The following HOOK2 variants were observed in gnomAD, a reference collection of about 807,000 sequenced individuals.
HOOK2 encodes the protein hook microtubule tethering protein 2, also known as protein Hook homolog 2.
Under a neutral mutation model 111.9 loss-of-function variants are expected in HOOK2, and 108 were observed. The observed-to-expected ratio is 0.96, with a 90% CI of 0.83 to 1.13. The LOEUF is 1.13. Among genes scored for constraint, HOOK2 ranks in the 50% most tolerant of loss-of-function variants. The pLI, the probability that HOOK2 is intolerant of heterozygous loss-of-function variation, is 0.00. For missense variants in HOOK2, 978 were observed against 951.3 expected (o/e 1.03, Z -0.37); for synonymous variants, 405 against 394.3 (o/e 1.03, Z -0.32).
At position 12,775,478 on chromosome 19, in the gene HOOK2, C is replaced by G; in HGVS notation, c.-29G>C. 6.3e-7 allele frequency: 1 copy of G among 1,599,296 alleles called. No homozygotes were observed. The highest frequency in any genetic ancestry group is 8.5e-7 in the Non-Finnish European group (1 of 1,174,558). On this transcript the variant is annotated 5_prime_UTR_variant, in exon 1 of 23. Coordinates refer to ENST00000397668, the MANE Select transcript of HOOK2 (RefSeq NM_013312.3). ...TCCCGATCGGATTCAATCCAGGCCA[C>G]GGAGCCCCGGCGCCGCAGCAGCCTC...
rs896466940 is a variant in HOOK2, at chr19:12,775,537, A to ACCTC, written c.-92_-89dup. ...CCACCAGCGAGCGCCCGCAGCCCCG[A>ACCTC]CCTCCCGCTCGGCCTAGAGCGCCGC... On this transcript the variant is annotated 5_prime_UTR_variant, in exon 1 of 23. Coordinates refer to ENST00000397668, the MANE Select transcript of HOOK2 (RefSeq NM_013312.3). The ACCTC allele has an allele frequency of 1.1e-5, 16 of 1,440,632 alleles. No homozygotes were observed. In the African/African-American group the frequency reaches 2.2e-4, roughly 20 times the overall value. 89.2% of individuals were successfully genotyped at this position (1,440,632 alleles called of 1,614,324 possible).
At chr19:12,775,300 C>T (rs1968467091) in intron 1 of HOOK2, 105 bp downstream of exon 1, 2 of 1,510,312 alleles carry the variant, frequency 1.3e-6, no homozygotes, top group South Asian at 1.3e-5. Flanking sequence ...TCGACGACCC[C>T]GCACCTCCCA....
At chr19:12,783,383 C>A (rs1968626852), upstream of HOOK2, among the ~76,000 whole-genome samples, 1 of 145,292 alleles carries the variant, frequency 6.9e-6, no homozygotes, top group East Asian at 2.0e-4. Flanking sequence ...CAGCCCCCAA[C>A]CCCTCCTCCC....
chr19:12,774,567 T>C (rs745892042), intron 3 of HOOK2, 102 bp downstream of exon 3: 1 of 1,073,378 alleles, frequency 9.3e-7, no homozygotes, highest in South Asian at 1.3e-5. Context: ...TCACCAGACA[T>C]CTGTCCCTCT....
chr19:12,779,898 C>G (rs1382915336), upstream of HOOK2, among the ~76,000 whole-genome samples: 2 of 152,116 alleles, frequency 1.3e-5, no homozygotes, highest in Non-Finnish European at 2.9e-5. Flanking sequence ...GCCAGTAATC[C>G]CAGCACTTTG....
chr19:12,775,395 C>T lies in HOOK2; in HGVS notation c.45+10G>A. Reference sequence around the variant, plus strand: ...CGCTCACCTTCCCCTAGCCCCGCCCCACGACCTACCCAGGTGAGCAGAGAC... The same window carrying T: ...CGCTCACCTTCCCCTAGCCCCGCCCTACGACCTACCCAGGTGAGCAGAGAC... On this transcript the variant is annotated intron_variant, in intron 1 of 22. Transcript: ENST00000397668. 2.5e-6 allele frequency: 4 copies of T among 1,611,784 alleles called. No homozygotes were observed. The highest frequency in any genetic ancestry group is 2.5e-6 in the Non-Finnish European group (3 of 1,179,250).
upstream of HOOK2, among the ~76,000 whole-genome samples, chr19:12,782,040 A>C (rs1421926600): frequency 2.6e-5 from 4 of 151,970 alleles, no homozygotes; most frequent in Non-Finnish European, 4.4e-5. Flanking sequence ...ATTTTTGTAG[A>C]GACAGGGGTC....
Position 12,775,439 on chromosome 19 carries a change from T to A in HOOK2, c.11A>T (p.Asp4Val), listed in dbSNP as rs201756603. Residue 4 changes from aspartate (D) to valine (V), a missense_variant, in exon 1 of 23, where the codon GAC becomes GTC. Physicochemically the swap from Asp to Val is radical, Grantham distance 152 (BLOSUM62 -3). This residue lies in a region of HOOK2 where 301 missense variants were observed against 286.1 expected (regional missense o/e 1.05). Coordinates refer to ENST00000397668, the MANE Select transcript of HOOK2 (RefSeq NM_013312.3). MSV[D>V]KAELCGSLLT... is the part of the protein sequence containing the mutation. The stretch of plus-strand genomic sequence containing the variant: ...CAGAGACCCGCATAGCTCAGCTTTG[T>A]CCACGCTCATGGCTCCCGATCGGAT... The A allele has an allele frequency of 8.7e-5, 140 of 1,612,458 alleles. No homozygotes were observed. Among genetic ancestry groups the A allele is most frequent in the Middle Eastern group, 6.6e-4 (4 of 6,056 alleles).
chr19:12,764,853 C>T lies in HOOK2; in HGVS notation c.1788G>A (p.Met596Ile), dbSNP rs1448114331. 6.2e-7 allele frequency: 1 copy of T among 1,614,078 alleles called. No individual in the cohort carries two copies. Among genetic ancestry groups the T allele is most frequent in the Admixed American group, 1.7e-5 (1 of 60,026 alleles). ...CCACGTAGCGGCGGTATCGCTCCTCCATGGCCCGCAAGTCCGCGTCCTTCT... is the reference window on the plus strand; with the variant it reads ...CCACGTAGCGGCGGTATCGCTCCTCTATGGCCCGCAAGTCCGCGTCCTTCT... ...LQKKDADLRA[M>I]EERYRRYVDK... Residue 596 changes from methionine to isoleucine, a missense_variant, in exon 20 of 23, where the codon ATG (methionine) becomes ATA (isoleucine). This residue lies in a region of HOOK2 where 277 missense variants were observed against 265.8 expected (regional missense o/e 1.04). Transcript: ENST00000397668.
chr19:12,787,510 T>C (rs1968669308), intron 3 of HOOK2, among the ~76,000 whole-genome samples: 1 of 152,074 alleles, frequency 6.6e-6, no homozygotes, highest in Non-Finnish European at 1.5e-5. Context: ...CATGCGCCTG[T>C]AATCCCAACT....
intron 3 of HOOK2, chr19:12,785,178 A>G (rs1968643965): frequency 6.5e-6 from 1 of 153,034 alleles, no homozygotes; most frequent in Non-Finnish European, 1.5e-5. Context: ...ACAAACGGAG[A>G]TCAGTAACAG....
chr19:12,775,039 C>T (rs1968455781), intron 1 of HOOK2, 142 bp from the exon 2 acceptor site: 3 of 1,108,274 alleles, frequency 2.7e-6, no homozygotes, highest in Non-Finnish European at 3.9e-6. Flanking sequence ...GAGGGACTGG[C>T]TTCTGCTCAC....
At chr19:12,773,069 A>G (rs1968384627) in intron 3 of HOOK2, 25 bp from the exon 4 acceptor site, 1 of 1,613,026 alleles carries the variant, frequency 6.2e-7, no homozygotes, top group African/African-American at 1.3e-5. Flanking sequence ...GGAACTGTGG[A>G]CAAGTTCAGA....
At chr19:12,771,122 C>T (rs1968316175) in intron 9 of HOOK2, 37 bp downstream of exon 9, 2 of 1,611,380 alleles carry the variant, frequency 1.2e-6, no homozygotes, top group Non-Finnish European at 1.7e-6. Flanking sequence ...TCCCCCGGTC[C>T]CCTGGCTTGC....
chr19:12,782,786 C>T (rs370794418), upstream of HOOK2, among the ~76,000 whole-genome samples: 1 of 152,126 alleles, frequency 6.6e-6, no homozygotes, highest in African/African-American at 2.4e-5. Flanking sequence ...CTGCCCGATC[C>T]GAAACTTGTG....
intron 20 of HOOK2, among the ~76,000 whole-genome samples, chr19:12,764,075 C>CAT (rs1968076704): frequency 6.6e-6 from 1 of 152,122 alleles, no homozygotes; most frequent in East Asian, 1.9e-4. Context: ...AGTGAAGTGG[C>CAT]GCACTCTCAG....
chr19:12,787,653 CAAT>C (rs936337372), intron 3 of HOOK2, among the ~76,000 whole-genome samples: 8 of 150,838 alleles, frequency 5.3e-5, no homozygotes, highest in African/African-American at 1.7e-4. Flanking sequence ...ACAAAACAAA[CAAT>C]AAAAAAAAAC....
upstream of HOOK2, chr19:12,775,760 C>T: frequency 3.2e-6 from 1 of 316,894 alleles, no homozygotes; most frequent in Non-Finnish European, 5.7e-6. Flanking sequence ...CACCTCCCAT[C>T]CTCGCCCTGG....
upstream of HOOK2, among the ~76,000 whole-genome samples, chr19:12,778,833 G>A (rs1024525105): frequency 6.6e-6 from 1 of 152,192 alleles, no homozygotes; most frequent in African/African-American, 2.4e-5. Flanking sequence ...TCAATTTGGG[G>A]GAGGAGCATA....
Sources: allele counts gnomAD v4.1 joint callset (sites outside exome capture counted in the v4.1 genomes callset), GRCh38; gene constraint gnomAD v4.1.1; regional missense constraint gnomAD v4.1.1; transcripts MANE v1.5; gene names NCBI Gene and HGNC (gene_info 2026-07-23, HGNC 2026-07-21).